The following KIF5C variants were observed in gnomAD, a reference collection of about 807,000 sequenced individuals.
The protein encoded by KIF5C is kinesin family member 5C.
A neutral mutation model predicts 125.2 loss-of-function variants in KIF5C; 18 were observed. That is an observed-to-expected ratio of 0.14 (90% CI 0.10 to 0.21). The LOEUF is 0.21. Among genes scored for constraint, KIF5C ranks in the 10% least tolerant of loss-of-function variants. The pLI is 1.00. For synonymous variants in KIF5C, 405 were observed against 434.0 expected (o/e 0.93, Z 0.83); for missense variants, 780 against 1,183.8 (o/e 0.66, Z 5.01).
chr2:148,899,725 A>AG (rs1680822029), intron 1 of KIF5C, among the ~76,000 whole-genome samples: 1 of 150,276 alleles, frequency 6.7e-6, no homozygotes, highest in African/African-American at 2.5e-5. Context: ...AAAAAAAAAA[A>AG]GAAAACAATT....
Position 148,875,627 on chromosome 2 carries a change from C to T in KIF5C, c.10C>T (p.Pro4Ser), listed in dbSNP as rs919886799. MAD[P>S]AECSIKVMCR... ...CCTACCGCCGGCCGAGATGGCGGAT[C>T]CAGCCGAATGCAGCATCAAAGTGAT... The change falls in exon 1 of 26, where the codon CCA becomes TCA. Residue 4 changes from proline (P) to serine (S), a missense_variant. This residue lies in a region of KIF5C where 207 missense variants were observed against 441.2 expected (regional missense o/e 0.47). Coordinates refer to ENST00000435030, the MANE Select transcript of KIF5C (RefSeq NM_004522.3). 19 of 1,436,252 alleles carry T rather than the reference C, an allele frequency of 1.3e-5. No individual in the cohort carries two copies. The highest frequency in any genetic ancestry group is 1.7e-5 in the Non-Finnish European group (18 of 1,076,668). The allele number at this position is 1,436,252 out of a possible 1,614,324, so 89.0% of individuals were successfully genotyped here.
intron 1 of KIF5C, among the ~76,000 whole-genome samples, chr2:148,905,190 T>TA (rs561989940): frequency 2.0e-5 from 3 of 152,146 alleles, no homozygotes; most frequent in Non-Finnish European, 4.4e-5. Flanking sequence ...ATAAGTTAAT[T>TA]AAAAAAATAT....
At chr2:148,985,454 G>C (rs1430283684) in intron 15 of KIF5C, among the ~76,000 whole-genome samples, 2 of 152,182 alleles carry the variant, frequency 1.3e-5, no homozygotes, top group East Asian at 1.9e-4. Flanking sequence ...TGTGGGGGCA[G>C]TTTCTGGTCT....
chr2:148,970,003 TC>T, intron 11 of KIF5C, among the ~76,000 whole-genome samples: 1 of 152,174 alleles, frequency 6.6e-6, no homozygotes, highest in Non-Finnish European at 1.5e-5. Context: ...TTTGTTCTTC[TC>T]CGTTGAAATG....
chr2:148,981,852 C>G (rs1178074160), intron 14 of KIF5C, among the ~76,000 whole-genome samples: 1 of 152,174 alleles, frequency 6.6e-6, no homozygotes. Context: ...CCAGAAAAGT[C>G]TTAGTTACAA....
chr2:148,963,158 CTT>C (rs149454475), intron 11 of KIF5C, among the ~76,000 whole-genome samples: 10 of 143,204 alleles, frequency 7.0e-5, no homozygotes, highest in African/African-American at 2.5e-4. Flanking sequence ...AGGTAGAAGG[CTT>C]TTTTTTTTTT....
In KIF5C at chr2:149,008,041, G is replaced by C; in HGVS notation, c.2524G>C (p.Glu842Gln). The C allele has an allele frequency of 6.2e-7, 1 of 1,612,468 alleles. No homozygotes were observed. The highest frequency in any genetic ancestry group is 1.1e-5 in the South Asian group (1 of 90,846). ...AATTTCCTTCTTGGAGAATAACCTGGAGCAGCTCACCAAAGTTCACAAGCA... is the reference window on the plus strand; with the variant it reads ...AATTTCCTTCTTGGAGAATAACCTGCAGCAGCTCACCAAAGTTCACAAGCA... ...QKISFLENNL[E>Q]QLTKVHKQLV... Residue 842 changes from glutamate (E) to glutamine (Q), a missense_variant, in exon 23 of 26, where the codon GAG (glutamate) becomes CAG (glutamine). Physicochemically the swap from Glu to Gln is conservative, Grantham distance 29. This residue lies in a region of KIF5C where 573 missense variants were observed against 742.6 expected (regional missense o/e 0.77). Coordinates refer to ENST00000435030, the MANE Select transcript of KIF5C (RefSeq NM_004522.3).
chr2:148,918,381 G>A (rs188986426), intron 1 of KIF5C, among the ~76,000 whole-genome samples: 3 of 152,202 alleles, frequency 2.0e-5, no homozygotes, highest in Admixed American at 1.3e-4. Flanking sequence ...TGTTTTAGCT[G>A]GTAAAATGCT....
intron 2 of KIF5C, among the ~76,000 whole-genome samples, chr2:148,927,950 C>G (rs1430377712): frequency 5.3e-5 from 8 of 151,984 alleles, no homozygotes. Flanking sequence ...GATACAAACT[C>G]TTGAGGGCTG....
intron 1 of KIF5C, among the ~76,000 whole-genome samples, chr2:148,912,803 A>G (rs1046996516): frequency 1.2e-4 from 18 of 152,114 alleles, no homozygotes; most frequent in Non-Finnish European, 8.8e-5. Context: ...GCAACCCACC[A>G]TTGCTACTGT....
At chr2:148,893,447 C>T (rs917648497) in intron 1 of KIF5C, among the ~76,000 whole-genome samples, 1 of 152,210 alleles carries the variant, frequency 6.6e-6, no homozygotes, top group African/African-American at 2.4e-5. Flanking sequence ...CAGGACTCTG[C>T]CTTTCTCAAA....
At chr2:148,907,950 C>G (rs2105063542) in intron 1 of KIF5C, among the ~76,000 whole-genome samples, 1 of 152,342 alleles carries the variant, frequency 6.6e-6, no homozygotes, top group Admixed American at 6.5e-5. Context: ...GTTAGAGTCT[C>G]CAGACTGGGA....
At chr2:148,887,569 G>A (rs906257391) in intron 1 of KIF5C, among the ~76,000 whole-genome samples, 2 of 152,160 alleles carry the variant, frequency 1.3e-5, no homozygotes, top group African/African-American at 4.8e-5. Flanking sequence ...CATGGGTGGA[G>A]CCAAACAGAG....
chr2:148,952,424 A>G (rs1187781605), intron 10 of KIF5C, among the ~76,000 whole-genome samples: 1 of 152,176 alleles, frequency 6.6e-6, no homozygotes, highest in African/African-American at 2.4e-5. Flanking sequence ...TTTGAATATC[A>G]GTTAGTGTCT....
intron 3 of KIF5C, 79 bp downstream of exon 3, chr2:148,929,433 A>G (rs1460899226): frequency 7.9e-6 from 7 of 881,038 alleles, no homozygotes; most frequent in Non-Finnish European, 1.2e-5. Context: ...CTTGAGGTGC[A>G]TGTGGCTTTC....
At chr2:148,934,541 C>G (rs1287831383) in intron 3 of KIF5C, among the ~76,000 whole-genome samples, 1 of 147,182 alleles carries the variant, frequency 6.8e-6, no homozygotes, top group Non-Finnish European at 1.5e-5. Flanking sequence ...ATCACACACA[C>G]AACACACACG....
In KIF5C at chr2:149,006,265, T is replaced by A. The variant is rs373532483; in HGVS notation, c.2445+801T>A. ...AAGGAGCCAAGGGAAAGAGGTCAAA[T>A]GTCTTACAAAGATAGAGTCGGGTCT... On this transcript the variant is annotated intron_variant, in intron 22 of 25. Coordinates refer to ENST00000435030, the MANE Select transcript of KIF5C (RefSeq NM_004522.3). 1.1e-4 allele frequency among the ~76,000 whole-genome samples: 17 copies of A among 152,120 alleles called. No individual in the cohort carries two copies. The East Asian group carries it at 1.5e-3, about 14-fold the overall frequency.
chr2:148,994,975 C>T (rs1681626415), intron 17 of KIF5C, among the ~76,000 whole-genome samples: 1 of 152,100 alleles, frequency 6.6e-6, no homozygotes. Flanking sequence ...GTACAAGAGT[C>T]AGCCACCGTG....
In KIF5C at chr2:148,950,965, T is replaced by A. The variant is rs1425019103; in HGVS notation, c.968+503T>A. Among the ~76,000 whole-genome samples the A allele has an allele frequency of 2.0e-5, 3 of 152,216 alleles. No individual in the cohort carries two copies. The East Asian group carries it at 5.8e-4, about 29-fold the overall frequency. ...AAGCAATAATTATATTTTAAAATAA[T>A]GGGCAAGAACATGCCAGTCAAATGT... is the stretch of plus-strand genomic sequence containing the variant. On this transcript the variant is annotated intron_variant, in intron 10 of 25. Transcript: ENST00000435030.
Sources: gnomAD v4.1 joint callset for allele counts (sites outside exome capture counted in the v4.1 genomes callset) on GRCh38, gnomAD v4.1.1 for gene constraint, gnomAD v4.1.1 regional missense constraint, MANE v1.5 for transcripts, NCBI Gene and HGNC (gene_info 2026-07-23, HGNC 2026-07-21) for gene names.